The following ABTB3 variants were observed in gnomAD, a reference collection of about 807,000 sequenced individuals.
ABTB3 encodes the protein ankyrin repeat and BTB domain containing 3.
At chr12:107,350,397 A>T in the ABTB3 span, among the ~76,000 whole-genome samples, 4 of 151,952 alleles carry the variant, frequency 2.6e-5, no homozygotes, top group Non-Finnish European at 1.5e-5. Flanking sequence ...AAAAATACAA[A>T]AAGAAATGGG....
chr12:107,457,652 A>G, the ABTB3 span, among the ~76,000 whole-genome samples: 1 of 152,230 alleles, frequency 6.6e-6, no homozygotes, highest in East Asian at 1.9e-4. Context: ...CTGGGCAGAC[A>G]GCAATAACAT....
the ABTB3 span, among the ~76,000 whole-genome samples, chr12:107,387,135 G>T: frequency 1.7e-3 from 253 of 151,840 alleles, 1 homozygote; most frequent in Non-Finnish European, 2.6e-3. Flanking sequence ...CTGCCACCAC[G>T]CCCAGCTAAT....
At chr12:107,319,539 G>A in the ABTB3 span, 2 of 1,555,432 alleles carry the variant, frequency 1.3e-6, no homozygotes, top group African/African-American at 2.7e-5. Flanking sequence ...GACCGCCTGG[G>A]CCGCGGCAAG....
chr12:107,339,137 A>G, the ABTB3 span, among the ~76,000 whole-genome samples: 1 of 152,234 alleles, frequency 6.6e-6, no homozygotes, highest in African/African-American at 2.4e-5. Flanking sequence ...CCCTTAGTCA[A>G]CATCCCACAG....
the ABTB3 span, among the ~76,000 whole-genome samples, chr12:107,519,191 C>A: frequency 6.6e-6 from 1 of 152,176 alleles, no homozygotes; most frequent in African/African-American, 2.4e-5. Flanking sequence ...AAGCTGCAGG[C>A]CGGTTCTGGA....
chr12:107,359,335 T>C, the ABTB3 span, among the ~76,000 whole-genome samples: 1 of 152,180 alleles, frequency 6.6e-6, no homozygotes, highest in Non-Finnish European at 1.5e-5. Flanking sequence ...GAGAAATGAC[T>C]GCTAATTAGA....
chr12:107,585,782 A>C, the ABTB3 span, among the ~76,000 whole-genome samples: 2 of 152,150 alleles, frequency 1.3e-5, no homozygotes, highest in South Asian at 4.1e-4. Context: ...GTTCAGGTTC[A>C]TTTACCAAAG....
the ABTB3 span, among the ~76,000 whole-genome samples, chr12:107,323,653 T>G: frequency 0.47 from 71,262 of 151,970 alleles, 17,934 homozygotes; most frequent in African/African-American, 0.67. Context: ...CCTTTGTATG[T>G]GCTAGTCATT....
chr12:107,595,223 G>A, the ABTB3 span, among the ~76,000 whole-genome samples: 1 of 152,170 alleles, frequency 6.6e-6, no homozygotes, highest in Non-Finnish European at 1.5e-5. Flanking sequence ...TCTTAAGAAG[G>A]TAAGGCGTTG....
chr12:107,446,870 G>A, the ABTB3 span, among the ~76,000 whole-genome samples: 1 of 152,218 alleles, frequency 6.6e-6, no homozygotes, highest in South Asian at 2.1e-4. Context: ...TCTGGAAAGT[G>A]TGGATAATAA....
At chr12:107,382,658 G>A in the ABTB3 span, among the ~76,000 whole-genome samples, 3 of 151,768 alleles carry the variant, frequency 2.0e-5, no homozygotes, top group Non-Finnish European at 2.9e-5. Context: ...ACTAACAAAC[G>A]AACAGAAAAC....
At chr12:107,435,367 C>T in the ABTB3 span, among the ~76,000 whole-genome samples, 1 of 152,230 alleles carries the variant, frequency 6.6e-6, no homozygotes, top group Non-Finnish European at 1.5e-5. Flanking sequence ...ACCTTTTACT[C>T]AGCACTCTCT....
At chr12:107,581,288 G>C in the ABTB3 span, 15 of 1,440,430 alleles carry the variant, frequency 1.0e-5, no homozygotes, top group Non-Finnish European at 1.4e-5. Flanking sequence ...CGTGGACTGC[G>C]AGCCGCGCCA....
At chr12:107,366,771 ATT>A in the ABTB3 span, among the ~76,000 whole-genome samples, 1 of 152,202 alleles carries the variant, frequency 6.6e-6, no homozygotes, top group South Asian at 2.1e-4. Flanking sequence ...GAAAATATAT[ATT>A]TTTTAATGCA....
chr12:107,548,890 G>C, the ABTB3 span, among the ~76,000 whole-genome samples: 1 of 152,046 alleles, frequency 6.6e-6, no homozygotes, highest in African/African-American at 2.4e-5. Flanking sequence ...ATTACCACAA[G>C]ATGAAAAAAA....
the ABTB3 span, among the ~76,000 whole-genome samples, chr12:107,569,484 C>T: frequency 6.6e-6 from 1 of 152,112 alleles, no homozygotes; most frequent in Admixed American, 6.6e-5. Flanking sequence ...TAAGTCACAC[C>T]TTTAAGTGAA....
the ABTB3 span, among the ~76,000 whole-genome samples, chr12:107,539,926 C>A: frequency 3.3e-5 from 5 of 152,136 alleles, no homozygotes; most frequent in Non-Finnish European, 7.3e-5. Flanking sequence ...TATGTCTTCC[C>A]TGTGATCTGC....
the ABTB3 span, among the ~76,000 whole-genome samples, chr12:107,393,075 G>C: frequency 6.6e-6 from 1 of 152,052 alleles, no homozygotes; most frequent in South Asian, 2.1e-4. Context: ...GGCCTCTGTC[G>C]GTGCTTCTGC....
At chr12:107,357,736 G>A in the ABTB3 span, among the ~76,000 whole-genome samples, 18 of 152,338 alleles carry the variant, frequency 1.2e-4, no homozygotes, top group African/African-American at 2.6e-4. Flanking sequence ...TGCTCAGAGC[G>A]TGCGTGGCAC....
Sources: gnomAD v4.1 joint callset for allele counts (sites outside exome capture counted in the v4.1 genomes callset) on GRCh38, gnomAD v4.1.1 for gene constraint, MANE v1.5 for transcripts, NCBI Gene and HGNC (gene_info 2026-07-23, HGNC 2026-07-21) for gene names.